HDX: variants seen among roughly 807,000 people sequenced by gnomAD.
HDX encodes the protein chromosome X open reading frame 43.
HDX carries 19 observed loss-of-function variants against 45.2 expected under a neutral mutation model. That is an observed-to-expected ratio of 0.42 (90% CI 0.29 to 0.62). HDX has a LOEUF of 0.62. Ranked by LOEUF, HDX falls within the 20% of genes least tolerant of loss-of-function variation. The probability of loss-of-function intolerance (pLI) is 0.20; values close to 1 mark genes in which losing one functional copy is unlikely to be tolerated. For synonymous variants in HDX, 188 were observed against 172.8 expected, an observed-to-expected ratio of 1.09 and a Z score of -0.69; for missense variants, 532 against 493.9, an observed-to-expected ratio of 1.08 and a Z score of -0.73.
chrX:84,359,281 T>TATC (rs1225751310), intron 6 of HDX, among the ~76,000 whole-genome samples: 2 of 110,596 alleles, frequency 1.8e-5, no homozygotes, highest in Non-Finnish European at 3.8e-5. Context: ...TTGCTGCACT[T>TATC]ATCAACCCAT....
intron 5 of HDX, among the ~76,000 whole-genome samples, chrX:84,371,724 G>A (rs888489725): frequency 2.7e-5 from 3 of 111,820 alleles, no homozygotes; most frequent in African/African-American, 9.8e-5. Flanking sequence ...ACCATTCAAA[G>A]TATCTCAGGT....
intron 5 of HDX, among the ~76,000 whole-genome samples, chrX:84,368,636 C>A (rs2037818722): frequency 9.0e-6 from 1 of 111,553 alleles, no homozygotes; most frequent in South Asian, 3.7e-4. Context: ...GTAACATTTG[C>A]CATTATAAAC....
chrX:84,400,098 G>C (rs1485778349), intron 5 of HDX, among the ~76,000 whole-genome samples: 24 of 110,526 alleles, frequency 2.2e-4, no homozygotes, highest in African/African-American at 7.9e-4. Context: ...CAAACCCACA[G>C]CCAATATCAT....
At chrX:84,392,640 T>G (rs754400551) in intron 5 of HDX, among the ~76,000 whole-genome samples, 7 of 110,907 alleles carry the variant, frequency 6.3e-5, no homozygotes, top group Non-Finnish European at 1.3e-4. Context: ...CCTCCTTGCT[T>G]ACATTTATTC....
chrX:84,332,773 C>T (rs938149637), intron 9 of HDX, among the ~76,000 whole-genome samples: 2 of 111,523 alleles, frequency 1.8e-5, no homozygotes, highest in Middle Eastern at 4.6e-3. Context: ...GTTGAAAATA[C>T]AGTCAAAATA....
chrX:84,414,057 G>GA (rs1398999918), intron 5 of HDX, among the ~76,000 whole-genome samples: 31 of 111,327 alleles, frequency 2.8e-4, no homozygotes, highest in Non-Finnish European at 1.7e-4. Flanking sequence ...AGTCCTTTTG[G>GA]AAAAAAGATC....
chrX:84,361,230 C>T (rs1382199775), intron 6 of HDX, among the ~76,000 whole-genome samples: 4 of 111,165 alleles, frequency 3.6e-5, no homozygotes, highest in Non-Finnish European at 7.5e-5. Context: ...CTATTCATTT[C>T]CTTTGCCTAT....
At chrX:84,501,124 GA>G (rs1475363787) in intron 1 of HDX, among the ~76,000 whole-genome samples, 9 of 111,919 alleles carry the variant, frequency 8.0e-5, no homozygotes, top group Admixed American at 7.6e-4. Flanking sequence ...AGGAGTCTAT[GA>G]TCAGACTGTG....
intron 5 of HDX, among the ~76,000 whole-genome samples, chrX:84,383,214 G>C: frequency 9.0e-6 from 1 of 110,842 alleles, no homozygotes; most frequent in Non-Finnish European, 1.9e-5. Flanking sequence ...CAAATGTTTA[G>C]AATCAACAAG....
At chrX:84,490,191 T>A (rs778061773) in intron 1 of HDX, among the ~76,000 whole-genome samples, 1 of 111,273 alleles carries the variant, frequency 9.0e-6, no homozygotes, top group Non-Finnish European at 1.9e-5. Context: ...TCTCTTAAGA[T>A]CTAACATTTG....
At chrX:84,476,123 G>A (rs148918628) in intron 2 of HDX, among the ~76,000 whole-genome samples, 16 of 111,432 alleles carry the variant, frequency 1.4e-4, no homozygotes, top group Non-Finnish European at 2.8e-4. Context: ...TTAAAAAAAT[G>A]CTTTATCTTT....
chrX:84,379,776 A>C (rs2147899597), intron 5 of HDX, among the ~76,000 whole-genome samples: 1 of 110,990 alleles, frequency 9.0e-6, no homozygotes, highest in Admixed American at 9.6e-5. Context: ...AAAAGGGAAA[A>C]ATCATCAAAT....
At chrX:84,337,511 A>G (rs770226103) in intron 7 of HDX, among the ~76,000 whole-genome samples, 1 of 111,408 alleles carries the variant, frequency 9.0e-6, no homozygotes, top group South Asian at 3.7e-4. Context: ...TCTCATTCAA[A>G]TAAGAAAAAA....
At chrX:84,453,561 A>G (rs935145946) in intron 4 of HDX, among the ~76,000 whole-genome samples, 1 of 112,256 alleles carries the variant, frequency 8.9e-6, no homozygotes, top group Non-Finnish European at 1.9e-5. Context: ...TCATCCCAAG[A>G]GTAGGAACTT....
intron 1 of HDX, among the ~76,000 whole-genome samples, chrX:84,500,465 CACACACA>C (rs1266925556): frequency 8.4e-5 from 8 of 95,085 alleles, no homozygotes; most frequent in African/African-American, 1.2e-4. Flanking sequence ...CACACACACA[CACACACA>C]ACAACAACAA....
intron 5 of HDX, among the ~76,000 whole-genome samples, chrX:84,436,042 T>G (rs1365975736): frequency 6.8e-5 from 6 of 88,053 alleles, no homozygotes; most frequent in East Asian, 3.5e-4. Flanking sequence ...TGTCCAACAA[T>G]GATAGACTGG....
rs1330557853 is a variant in HDX at position 84,469,247 on chromosome X, A to C, written c.476T>G (p.Val159Gly). 3.3e-6 allele frequency: 4 copies of C among 1,210,293 alleles called. No individual in the cohort carries two copies. The South Asian group carries it at 5.3e-5, about 16-fold the overall frequency. Residue 159 changes from valine to glycine, a missense_variant, in exon 4 of 11, where the codon GTA (valine) becomes GGA (glycine). Transcript: ENST00000373177. Reference sequence around the variant, plus strand: ...TAGGGAAGCATTTTTACAGTGTGCTACTTGTCTTTGGACAGGAATGTGTAA... The same window carrying C: ...TAGGGAAGCATTTTTACAGTGTGCTCCTTGTCTTTGGACAGGAATGTGTAA... ...FQLHIPVQRQ[V>G]AHCKNASLLL...
intron 3 of HDX, among the ~76,000 whole-genome samples, chrX:84,471,278 T>C (rs1362920535): frequency 9.2e-6 from 1 of 108,890 alleles, no homozygotes; most frequent in Non-Finnish European, 1.9e-5. Context: ...GATAGATAGA[T>C]AGATAGATTT....
chrX:84,428,598 A>G (rs1385679928), intron 5 of HDX, among the ~76,000 whole-genome samples: 5 of 111,213 alleles, frequency 4.5e-5, no homozygotes, highest in Non-Finnish European at 9.5e-5. Context: ...ACATGATGCA[A>G]CATGTGTCAG....
Sources: gnomAD v4.1 joint callset for allele counts (sites outside exome capture counted in the v4.1 genomes callset) on GRCh38, gnomAD v4.1.1 for gene constraint, MANE v1.5 for transcripts, NCBI Gene and HGNC (gene_info 2026-07-23, HGNC 2026-07-21) for gene names.